The following GCNT2 variants were observed in gnomAD, a reference collection of about 807,000 sequenced individuals.
GCNT2 encodes N-acetyllactosaminide beta-1,6-N-acetylglucosaminyl-transferase.
In GCNT2, 34 loss-of-function variants were observed where a neutral mutation model predicts 34.2. That is an observed-to-expected ratio of 1.00 (90% CI 0.76 to 1.32). GCNT2 has a LOEUF of 1.32. GCNT2 is among the 40% of genes most tolerant of loss of function. The pLI is 0.00. For missense variants in GCNT2, 584 were observed against 489.4 expected (o/e 1.19, Z -1.82); for synonymous variants, 212 against 188.0 (o/e 1.13, Z -1.04).
At chr6:10,577,772 C>T (rs1457273671) in intron 3 of GCNT2, among the ~76,000 whole-genome samples, 4 of 151,956 alleles carry the variant, frequency 2.6e-5, no homozygotes, top group East Asian at 1.9e-4. Context: ...AACTCCTGTC[C>T]TCTGGTGATC....
In GCNT2 at chr6:10,530,529, A is replaced by G. The variant is rs539180111; in HGVS notation, c.925+693A>G. ...TCCTTTTGAAATGGGAGCAAGATAC[A>G]ACTTTCAAATTTTTTATTTGCAAGC... On this transcript the variant is annotated intron_variant, in intron 3 of 4. Transcript: ENST00000495262. Among the ~76,000 whole-genome samples, 82 of 152,234 alleles carry G rather than the reference A, an allele frequency of 5.4e-4. 3 individuals carry two copies. In the South Asian group the frequency reaches 0.017, roughly 31 times the overall value.
chr6:10,525,443 T>G (rs1761138143), intron 1 of GCNT2, among the ~76,000 whole-genome samples: 2 of 152,178 alleles, frequency 1.3e-5, no homozygotes, highest in South Asian at 4.1e-4. Flanking sequence ...GGTCACTCCC[T>G]GATTACCATC....
At chr6:10,572,474 A>AGC (rs985711206) in intron 3 of GCNT2, among the ~76,000 whole-genome samples, 5 of 152,192 alleles carry the variant, frequency 3.3e-5, no homozygotes, top group African/African-American at 1.2e-4. Context: ...CTGTAATCCC[A>AGC]GCACTTTGGG....
Position 10,624,700 on chromosome 6 carries a change from G to A in GCNT2, c.1019-1717G>A, listed in dbSNP as rs1279811633. Among the ~76,000 whole-genome samples the A allele has an allele frequency of 2.6e-5, 4 of 152,282 alleles. No homozygotes were observed. The East Asian group carries it at 5.8e-4, about 22-fold the overall frequency. On this transcript the variant is annotated intron_variant, in intron 4 of 4. Transcript: ENST00000495262. ...ATCTAGTCCCTTGTCAGGTCATCCTGCCCCACCATCTTAGAGCTGTGTGGA... is the reference window on the plus strand; with the variant it reads ...ATCTAGTCCCTTGTCAGGTCATCCTACCCCACCATCTTAGAGCTGTGTGGA...
chr6:10,529,173 C>G lies in GCNT2; in HGVS notation c.262C>G (p.Leu88Val), dbSNP rs1561777327. Reference protein sequence around the residue: ...MVRSHYVTETLSEEEAGFPLA... With the variant: ...MVRSHYVTETVSEEEAGFPLA... ...TCGAAGCCACTATGTAACAGAAACACTCTCTGAAGAAGAGGCTGGGTTCCC... is the reference window on the plus strand; with the variant it reads ...TCGAAGCCACTATGTAACAGAAACAGTCTCTGAAGAAGAGGCTGGGTTCCC... Residue 88 changes from leucine to valine, a missense_variant, in exon 3 of 5, where the codon CTC becomes GTC. Coordinates refer to ENST00000495262, the MANE Select transcript of GCNT2 (RefSeq NM_145649.5). 6.2e-7 allele frequency: 1 copy of G among 1,614,164 alleles called. No individual in the cohort carries two copies. Among genetic ancestry groups the G allele is most frequent in the Admixed American group, 1.7e-5 (1 of 60,014 alleles).
chr6:10,586,985 C>A (rs953595513), intron 3 of GCNT2: 2 of 1,056,240 alleles, frequency 1.9e-6, no homozygotes, highest in African/African-American at 1.6e-5. Flanking sequence ...AGAACTGACT[C>A]ATTTGAAATT....
Position 10,629,306 on chromosome 6 carries a change from G to A in GCNT2, c.*2699G>A, listed in dbSNP as rs1172562491. On this transcript the variant is annotated 3_prime_UTR_variant, in exon 5 of 5. Coordinates refer to ENST00000495262, the MANE Select transcript of GCNT2 (RefSeq NM_145649.5). ...ATGCCCTGAAACTACTGTATCTGATGTTTGTTTTCGATGAGGTTCCATGTT... is the reference window on the plus strand; with the variant it reads ...ATGCCCTGAAACTACTGTATCTGATATTTGTTTTCGATGAGGTTCCATGTT... 1.3e-5 allele frequency: 2 copies of A among 152,538 alleles called. No individual in the cohort carries two copies. Among genetic ancestry groups the A allele is most frequent in the African/African-American group, 4.8e-5 (2 of 41,396 alleles). The allele number at this position is 152,538 out of a possible 1,614,324, so 9.4% of individuals were successfully genotyped here.
intron 3 of GCNT2, among the ~76,000 whole-genome samples, chr6:10,613,293 C>T (rs577462628): frequency 6.6e-6 from 1 of 152,258 alleles, no homozygotes; most frequent in South Asian, 2.1e-4. Flanking sequence ...AACTTTGCCT[C>T]AAATGCTCTG....
At chr6:10,603,815 GTCTTT>G (rs753772048) in intron 3 of GCNT2, among the ~76,000 whole-genome samples, 1 of 100,292 alleles carries the variant, frequency 1.0e-5, no homozygotes, top group Non-Finnish European at 2.1e-5. Flanking sequence ...GTGCCTGACA[GTCTTT>G]TTTTTTTTTT....
chr6:10,525,056 A>T (rs539517780), intron 1 of GCNT2, among the ~76,000 whole-genome samples: 182 of 152,174 alleles, frequency 1.2e-3, no homozygotes, highest in African/African-American at 4.2e-3. Context: ...TGGGCATCAT[A>T]TGGTCCATGA....
At chr6:10,589,015 T>G (rs1020514941) in intron 3 of GCNT2, among the ~76,000 whole-genome samples, 7 of 140,420 alleles carry the variant, frequency 5.0e-5, no homozygotes, top group African/African-American at 1.9e-4. Flanking sequence ...GTGTGGTGTG[T>G]ATATGTGGTG....
chr6:10,528,861 ACT>A lies in GCNT2; in HGVS notation c.-48_-47del. The A allele has an allele frequency of 7.2e-7, 1 of 1,379,638 alleles. No homozygotes were observed. Among genetic ancestry groups the A allele is most frequent in the South Asian group, 1.2e-5 (1 of 86,468 alleles). The allele number at this position is 1,379,638 out of a possible 1,614,324, so 85.5% of individuals were successfully genotyped here. On this transcript the variant is annotated 5_prime_UTR_variant, in exon 3 of 5. Coordinates refer to ENST00000495262, the MANE Select transcript of GCNT2 (RefSeq NM_145649.5). ...GAAAATGTAAGTTAAATATATCTACACTCTGATCCTATCTCAAGAGAGAGATA... is the reference window on the plus strand; with the variant it reads ...GAAAATGTAAGTTAAATATATCTACACTGATCCTATCTCAAGAGAGAGATA...
At chr6:10,604,635 TG>T (rs1765231673) in intron 3 of GCNT2, among the ~76,000 whole-genome samples, 1 of 152,018 alleles carries the variant, frequency 6.6e-6, no homozygotes, top group Non-Finnish European at 1.5e-5. Flanking sequence ...CCAAGGCAGG[TG>T]GGTGTCTCAA....
At chr6:10,563,751 A>G (rs1384747807) in intron 3 of GCNT2, among the ~76,000 whole-genome samples, 1 of 38,348 alleles carries the variant, frequency 2.6e-5, no homozygotes, top group Non-Finnish European at 4.8e-5. Flanking sequence ...CAAAAAAAGA[A>G]AAAAGAAAAA....
intron 3 of GCNT2, among the ~76,000 whole-genome samples, chr6:10,560,592 C>T (rs755720792): frequency 6.6e-6 from 1 of 152,078 alleles, no homozygotes; most frequent in Non-Finnish European, 1.5e-5. Context: ...TCCCAAAACA[C>T]CCCCAAGAGC....
intron 3 of GCNT2, chr6:10,585,786 C>T: frequency 1.4e-6 from 2 of 1,434,946 alleles, no homozygotes; most frequent in Non-Finnish European, 1.8e-6. Flanking sequence ...GAGGGACGCA[C>T]CGCATCTCCA....
intron 3 of GCNT2, among the ~76,000 whole-genome samples, chr6:10,607,753 A>G (rs1765386285): frequency 6.6e-6 from 1 of 152,216 alleles, no homozygotes; most frequent in African/African-American, 2.4e-5. Context: ...ATAATTAATG[A>G]TGATAGATAC....
At chr6:10,524,421 T>G (rs568693003) in intron 1 of GCNT2, among the ~76,000 whole-genome samples, 4 of 152,034 alleles carry the variant, frequency 2.6e-5, no homozygotes, top group Non-Finnish European at 5.9e-5. Context: ...CCCGGCTAAT[T>G]TTGTATTTTC....
At chr6:10,605,448 G>A (rs375352624) in intron 3 of GCNT2, among the ~76,000 whole-genome samples, 2 of 151,112 alleles carry the variant, frequency 1.3e-5, no homozygotes, top group Admixed American at 6.6e-5. Flanking sequence ...GGGCTCAGGC[G>A]ATTCATCTGC....
Sources: allele counts gnomAD v4.1 joint callset (sites outside exome capture counted in the v4.1 genomes callset), GRCh38; gene constraint gnomAD v4.1.1; transcripts MANE v1.5; gene names NCBI Gene and HGNC (gene_info 2026-07-23, HGNC 2026-07-21).